SLIT3: variants seen among roughly 807,000 people sequenced by gnomAD.
The protein encoded by SLIT3 is slit homolog 3 protein.
In SLIT3, 68 loss-of-function variants were observed where a neutral mutation model predicts 184.0. The observed-to-expected ratio is 0.37, with a 90% CI of 0.30 to 0.45. The LOEUF is 0.45. SLIT3 is among the 20% of genes least tolerant of loss of function. The pLI, the probability that SLIT3 is intolerant of heterozygous loss-of-function variation, is 1.00. For synonymous variants in SLIT3, 831 were observed against 828.6 expected (o/e 1.00, Z -0.05); for missense variants, 1,707 against 2,026.0 (o/e 0.84, Z 3.02).
At chr5:168,685,120 TTTA>T (rs1761705764) in intron 31 of SLIT3, among the ~76,000 whole-genome samples, 1 of 152,152 alleles carries the variant, frequency 6.6e-6, no homozygotes, top group Non-Finnish European at 1.5e-5. Context: ...CTGCTAATTT[TTTA>T]TTTTTAGTAG....
At chr5:168,877,865 A>G (rs974412096) in intron 5 of SLIT3, among the ~76,000 whole-genome samples, 7 of 151,822 alleles carry the variant, frequency 4.6e-5, no homozygotes, top group Non-Finnish European at 8.8e-5. Context: ...GGGACATTTA[A>G]AAAAAAACAA....
At chr5:168,987,070 T>G (rs1755156625) in intron 4 of SLIT3, among the ~76,000 whole-genome samples, 1 of 152,186 alleles carries the variant, frequency 6.6e-6, no homozygotes, top group African/African-American at 2.4e-5. Context: ...AAGGCTAATA[T>G]TTATCAAACA....
At chr5:169,149,052 G>A (rs1762028583) in intron 4 of SLIT3, among the ~76,000 whole-genome samples, 1 of 152,186 alleles carries the variant, frequency 6.6e-6, no homozygotes, top group Admixed American at 6.5e-5. Flanking sequence ...AAAAGCTACA[G>A]AGCTATTAAG....
chr5:168,882,535 C>A (rs535612880), intron 5 of SLIT3, among the ~76,000 whole-genome samples: 121 of 152,294 alleles, frequency 7.9e-4, no homozygotes, highest in Non-Finnish European at 1.2e-3. Flanking sequence ...AGTGAGCACA[C>A]GTGGAGCTGT....
chr5:169,240,766 T>C (rs1765378148), intron 3 of SLIT3, among the ~76,000 whole-genome samples: 1 of 151,654 alleles, frequency 6.6e-6, no homozygotes, highest in Non-Finnish European at 1.5e-5. Context: ...CATCTTTCTG[T>C]TTGTTGTCTA....
chr5:168,703,276 G>T (rs1762272182), intron 26 of SLIT3, among the ~76,000 whole-genome samples: 1 of 129,160 alleles, frequency 7.7e-6, no homozygotes, highest in Non-Finnish European at 1.6e-5. Context: ...GTGTGTGTGT[G>T]TGTAGGACAT....
At chr5:169,028,023 T>C (rs1489614125) in intron 4 of SLIT3, among the ~76,000 whole-genome samples, 1 of 152,134 alleles carries the variant, frequency 6.6e-6, no homozygotes, top group African/African-American at 2.4e-5. Context: ...CTGCTTCCTT[T>C]AGCCTTTAAA....
intron 1 of SLIT3, among the ~76,000 whole-genome samples, 180 bp from the exon 2 acceptor site, chr5:169,251,639 A>G (rs1025103640): frequency 6.6e-6 from 1 of 152,174 alleles, no homozygotes; most frequent in African/African-American, 2.4e-5. Flanking sequence ...TAAACCATTC[A>G]TTATGCACAT....
Position 168,761,187 on chromosome 5 carries a change from C to T in SLIT3, c.1611-251G>A, listed in dbSNP as rs372177335. Among the ~76,000 whole-genome samples the T allele has an allele frequency of 7.9e-5, 12 of 152,212 alleles. No individual in the cohort carries two copies. In the East Asian group the frequency reaches 1.5e-3, roughly 20 times the overall value. On this transcript the variant is annotated intron_variant, in intron 15 of 35. Transcript: ENST00000519560. ...TTTAGGGGACTTTCTGAGTATTCCG[C>T]GTGGGCATGCGTTGTTTTCAGCACC... is the stretch of plus-strand genomic sequence containing the variant.
chr5:168,698,046 T>A (rs950064773), intron 27 of SLIT3, among the ~76,000 whole-genome samples: 2 of 152,108 alleles, frequency 1.3e-5, no homozygotes, highest in African/African-American at 2.4e-5. Context: ...CCAGGTGCCA[T>A]GAGTTGGTTG....
chr5:169,203,336 C>T (rs1390249333), intron 3 of SLIT3, among the ~76,000 whole-genome samples: 1 of 144,236 alleles, frequency 6.9e-6, no homozygotes, highest in Non-Finnish European at 1.5e-5. Flanking sequence ...CATATTTATG[C>T]GTGCATGTGA....
chr5:168,885,508 A>G (rs1253266035), intron 4 of SLIT3, among the ~76,000 whole-genome samples: 3 of 152,018 alleles, frequency 2.0e-5, no homozygotes, highest in Non-Finnish European at 4.4e-5. Flanking sequence ...GACTAATGCA[A>G]TTTCCACCAG....
chr5:169,084,670 C>G (rs922243696), intron 4 of SLIT3, among the ~76,000 whole-genome samples: 1 of 152,098 alleles, frequency 6.6e-6, no homozygotes, highest in South Asian at 2.1e-4. Flanking sequence ...AAAACAAAAC[C>G]AAAAACCAGA....
intron 5 of SLIT3, among the ~76,000 whole-genome samples, chr5:168,857,558 G>A (rs1399128557): frequency 2.0e-5 from 3 of 152,110 alleles, no homozygotes; most frequent in African/African-American, 7.2e-5. Flanking sequence ...ATTTCTATGG[G>A]CCCCTCAAGA....
intron 4 of SLIT3, among the ~76,000 whole-genome samples, chr5:168,987,024 G>A (rs1755154925): frequency 6.6e-6 from 1 of 152,116 alleles, no homozygotes; most frequent in African/African-American, 2.4e-5. Flanking sequence ...CTCCAGCCTG[G>A]GCAACAGAGC....
intron 1 of SLIT3, among the ~76,000 whole-genome samples, chr5:169,258,509 CCT>C (rs929028962): frequency 2.6e-5 from 4 of 152,150 alleles, no homozygotes; most frequent in African/African-American, 7.2e-5. Context: ...TGTGTTTACC[CCT>C]GTCTGGTTTT....
Position 168,772,797 on chromosome 5 carries a change from C to G in SLIT3, c.1443G>C (p.Lys481Asn). 1 of 1,614,196 alleles carries G rather than the reference C, an allele frequency of 6.2e-7. No homozygotes were observed. The highest frequency in any genetic ancestry group is 8.5e-7 in the Non-Finnish European group (1 of 1,180,038). Residue 481 changes from lysine (K) to asparagine (N), a missense_variant, in exon 14 of 36, where the codon AAG (lysine) becomes AAC (asparagine). Transcript: ENST00000519560. ...ANKRISQIKS[K>N]KFRCSGSEDY... ...CCTGATTACCTGAGCAGCGGAACTT[C>G]TTGCTCTTGATCTGGCTGATGCGCT...
chr5:168,674,666 T>G (rs1379129946), intron 32 of SLIT3, among the ~76,000 whole-genome samples: 1 of 151,764 alleles, frequency 6.6e-6, no homozygotes, highest in African/African-American at 2.4e-5. Flanking sequence ...TAATTTTATG[T>G]TTTTAGTAGA....
At chr5:169,011,088 T>C (rs140974813) in intron 4 of SLIT3, among the ~76,000 whole-genome samples, 1 of 152,072 alleles carries the variant, frequency 6.6e-6, no homozygotes, top group Non-Finnish European at 1.5e-5. Flanking sequence ...TCTAAGTCTA[T>C]AAGGGCCGAA....
Sources: allele counts gnomAD v4.1 joint callset (sites outside exome capture counted in the v4.1 genomes callset), GRCh38; gene constraint gnomAD v4.1.1; transcripts MANE v1.5; gene names NCBI Gene and HGNC (gene_info 2026-07-23, HGNC 2026-07-21).